Variants in GULP1 observed in about 807,000 individuals in gnomAD.
The protein encoded by GULP1 is GULP PTB domain containing engulfment adaptor 1, also known as PTB domain-containing engulfment adapter protein 1.
A neutral mutation model predicts 40.9 loss-of-function variants in GULP1; 19 were observed. The ratio of observed to expected loss-of-function variants is 0.46; its 90% CI spans 0.32 to 0.68. The LOEUF (loss-of-function observed/expected upper bound fraction) is 0.68. Ranked by LOEUF, GULP1 falls within the 30% of genes least tolerant of loss-of-function variation. The probability of loss-of-function intolerance (pLI) is 0.03; values close to 1 mark genes in which losing one functional copy is unlikely to be tolerated. For synonymous variants in GULP1, 119 were observed against 117.6 expected, an observed-to-expected ratio of 1.01 and a Z score of -0.08; for missense variants, 312 against 362.2, an observed-to-expected ratio of 0.86 and a Z score of 1.12.
At chr2:188,441,380 G>A (rs1253531410) in intron 2 of GULP1, among the ~76,000 whole-genome samples, 1 of 152,172 alleles carries the variant, frequency 6.6e-6, no homozygotes, top group Non-Finnish European at 1.5e-5. Flanking sequence ...TGAGGCTGAG[G>A]AGGGTTGATA....
intron 1 of GULP1, among the ~76,000 whole-genome samples, chr2:188,364,913 C>T (rs993208910): frequency 2.7e-5 from 4 of 146,540 alleles, no homozygotes; most frequent in Non-Finnish European, 6.0e-5. Flanking sequence ...TACACACACA[C>T]ACACATATAT....
Position 188,529,148 on chromosome 2 carries a change from T to G in GULP1, c.214T>G (p.Leu72Val), listed in dbSNP as rs771414895. The change falls in exon 6 of 12, where the codon TTG becomes GTG. Residue 72 changes from leucine (L) to valine (V), a missense_variant. Leu to Val is a conservative substitution (Grantham distance 32). Coordinates refer to ENST00000409830, the MANE Select transcript of GULP1 (RefSeq NM_016315.4). ...SEGQKIPKVE[L>V]QISIYGVKIL... ...AGGCCAGAAAATTCCTAAAGTGGAG[T>G]TGCAAATATCAATTTATGGAGTAAA... The G allele has an allele frequency of 6.3e-7, 1 of 1,589,800 alleles. No individual in the cohort carries two copies. The highest frequency in any genetic ancestry group is 1.3e-5 in the African/African-American group (1 of 74,166).
At chr2:188,436,856 G>A (rs2057454121) in intron 2 of GULP1, among the ~76,000 whole-genome samples, 1 of 151,978 alleles carries the variant, frequency 6.6e-6, no homozygotes, top group Non-Finnish European at 1.5e-5. Context: ...TTTTTAGATA[G>A]TGAACTATTT....
chr2:188,338,391 A>G (rs902722582), intron 1 of GULP1, among the ~76,000 whole-genome samples: 44 of 150,298 alleles, frequency 2.9e-4, no homozygotes, highest in Non-Finnish European at 5.9e-4. Context: ...TGCAGTCTCC[A>G]TCTCCCAGGC....
At chr2:188,444,093 A>T (rs75080340) in intron 2 of GULP1, among the ~76,000 whole-genome samples, 2,246 of 152,252 alleles carry the variant, frequency 0.015, 90 homozygotes, top group East Asian at 0.13. Flanking sequence ...TGCATCCCAG[A>T]CTATTACATA....
chr2:188,333,605 CA>C (rs1354847817), intron 1 of GULP1, among the ~76,000 whole-genome samples: 1 of 152,034 alleles, frequency 6.6e-6, no homozygotes, highest in Non-Finnish European at 1.5e-5. Context: ...CTTTAACTTC[CA>C]GTGTCTGTTA....
chr2:188,455,407 C>G (rs2059175313), intron 2 of GULP1, among the ~76,000 whole-genome samples: 1 of 152,028 alleles, frequency 6.6e-6, no homozygotes, highest in South Asian at 2.1e-4. Context: ...ATTATGGGGG[C>G]AGGACTTTCC....
At chr2:188,512,093 A>C (rs1196875449) in intron 4 of GULP1, among the ~76,000 whole-genome samples, 1 of 152,152 alleles carries the variant, frequency 6.6e-6, no homozygotes, top group Non-Finnish European at 1.5e-5. Context: ...AAAGGCTATA[A>C]AATTAAATTA....
intron 7 of GULP1, among the ~76,000 whole-genome samples, chr2:188,553,709 T>C (rs543190413): frequency 6.6e-6 from 1 of 152,152 alleles, no homozygotes; most frequent in African/African-American, 2.4e-5. Flanking sequence ...CTTCAATGTT[T>C]TGGAATAGTT....
At chr2:188,447,087 C>T (rs1299001760) in intron 2 of GULP1, among the ~76,000 whole-genome samples, 2 of 151,950 alleles carry the variant, frequency 1.3e-5, no homozygotes, top group Non-Finnish European at 2.9e-5. Context: ...AACTTGCTTC[C>T]AGGTTATAGG....
chr2:188,424,191 C>G (rs2055839155), intron 2 of GULP1, among the ~76,000 whole-genome samples: 1 of 151,412 alleles, frequency 6.6e-6, no homozygotes, highest in Admixed American at 6.6e-5. Flanking sequence ...ATGGAAAATG[C>G]CTATTTAAAA....
chr2:188,453,485 G>A (rs2059004205), intron 2 of GULP1, among the ~76,000 whole-genome samples: 1 of 152,144 alleles, frequency 6.6e-6, no homozygotes, highest in South Asian at 2.1e-4. Context: ...ATTGGTGGGT[G>A]TGACTCAGCA....
intron 7 of GULP1, among the ~76,000 whole-genome samples, chr2:188,545,769 G>A (rs903916024): frequency 2.0e-5 from 3 of 151,904 alleles, no homozygotes; most frequent in African/African-American, 7.2e-5. Flanking sequence ...AACTACACCA[G>A]TTAAAATATG....
At chr2:188,450,810 A>G (rs532754862) in intron 2 of GULP1, among the ~76,000 whole-genome samples, 101 of 152,298 alleles carry the variant, frequency 6.6e-4, no homozygotes, top group Middle Eastern at 3.4e-3. Context: ...CCACAGAAGC[A>G]AGAGTAGGAT....
chr2:188,476,478 G>A lies in GULP1; in HGVS notation c.-44-1181G>A, dbSNP rs114253164. On this transcript the variant is annotated intron_variant, in intron 2 of 11. Coordinates refer to ENST00000409830, the MANE Select transcript of GULP1 (RefSeq NM_016315.4). Reference sequence around the variant, plus strand: ...AACTGGGCTCTTACACCAAGCACATGAGTTTCCTTTGATTTCTGTTGAAGC... The same window carrying A: ...AACTGGGCTCTTACACCAAGCACATAAGTTTCCTTTGATTTCTGTTGAAGC... 3.8e-3 allele frequency among the ~76,000 whole-genome samples: 576 copies of A among 152,170 alleles called. 4 individuals are homozygous for A. Among genetic ancestry groups the A allele is most frequent in the African/African-American group, 0.013 (543 of 41,510 alleles).
At chr2:188,580,794 C>T (rs1473588643) in intron 9 of GULP1, among the ~76,000 whole-genome samples, 1 of 152,082 alleles carries the variant, frequency 6.6e-6, no homozygotes, top group Non-Finnish European at 1.5e-5. Context: ...CCTTAAAATT[C>T]TAATTTTAGT....
chr2:188,563,822 C>G (rs756794710), intron 7 of GULP1, among the ~76,000 whole-genome samples: 1 of 151,782 alleles, frequency 6.6e-6, no homozygotes, highest in Non-Finnish European at 1.5e-5. Flanking sequence ...AAAGACCTTA[C>G]AAAAAATGAA....
chr2:188,483,437 C>T lies in GULP1; in HGVS notation c.35C>T (p.Thr12Ile). ...NRAFSRKKDKTWMHTPEALSK... is the reference protein window; with the variant it reads ...NRAFSRKKDKIWMHTPEALSK... ...TGTGTATTTTTTATTGCAGACAAAA[C>T]ATGGATGCATACACCTGAAGCTTTA... is the stretch of plus-strand genomic sequence containing the variant. Residue 12 changes from threonine (T) to isoleucine (I), a missense_variant, in exon 4 of 12, where the codon ACA (threonine) becomes ATA (isoleucine). By Grantham distance (89) the Thr-to-Ile change is moderately conservative. Coordinates refer to ENST00000409830, the MANE Select transcript of GULP1 (RefSeq NM_016315.4). 1 of 1,518,014 alleles carries T rather than the reference C, an allele frequency of 6.6e-7. No individual in the cohort carries two copies. Among genetic ancestry groups the T allele is most frequent in the Non-Finnish European group, 9.1e-7 (1 of 1,102,268 alleles). 94.0% of individuals were successfully genotyped at this position (1,518,014 alleles called of 1,614,324 possible).
At chr2:188,586,312 A>C (rs1470558746) in intron 10 of GULP1, among the ~76,000 whole-genome samples, 1 of 152,194 alleles carries the variant, frequency 6.6e-6, no homozygotes, top group Non-Finnish European at 1.5e-5. Flanking sequence ...CTAAATTTTT[A>C]CTTCCTTTTA....
Sources: allele counts gnomAD v4.1 joint callset (sites outside exome capture counted in the v4.1 genomes callset), GRCh38; gene constraint gnomAD v4.1.1; transcripts MANE v1.5; gene names NCBI Gene and HGNC (gene_info 2026-07-23, HGNC 2026-07-21).